PEBP4: variants seen among roughly 807,000 people sequenced by gnomAD.
PEBP4 encodes the protein phosphatidylethanolamine binding protein 4, also known as phosphatidylethanolamine-binding protein 4.
In PEBP4, 22 loss-of-function variants were observed where a neutral mutation model predicts 23.9. The ratio of observed to expected loss-of-function variants is 0.92; its 90% CI spans 0.66 to 1.31. PEBP4 has a LOEUF of 1.31. PEBP4 is among the 40% of genes most tolerant of loss of function. The pLI is 0.00. For missense variants in PEBP4, 324 were observed against 281.7 expected, an observed-to-expected ratio of 1.15 and a Z score of -1.07; for synonymous variants, 112 against 99.3, an observed-to-expected ratio of 1.13 and a Z score of -0.76.
At chr8:22,888,626 A>G (rs753175068) in intron 3 of PEBP4, among the ~76,000 whole-genome samples, 1 of 152,140 alleles carries the variant, frequency 6.6e-6, no homozygotes, top group Non-Finnish European at 1.5e-5. Flanking sequence ...CAGATTTCCA[A>G]CCAGAATCTC....
At chr8:22,841,766 G>C (rs1045472330) in intron 3 of PEBP4, among the ~76,000 whole-genome samples, 1 of 152,252 alleles carries the variant, frequency 6.6e-6, no homozygotes, top group Admixed American at 6.5e-5. Flanking sequence ...GCTACAGACT[G>C]TTCCCTAAAG....
intron 2 of PEBP4, among the ~76,000 whole-genome samples, chr8:22,920,910 G>T (rs533070993): frequency 6.6e-6 from 1 of 152,206 alleles, no homozygotes; most frequent in East Asian, 1.9e-4. Flanking sequence ...CATCCCTCAG[G>T]GGGTAAAACA....
At position 22,817,719 on chromosome 8, in the gene PEBP4, A is replaced by G; in HGVS notation, c.275T>C (p.Leu92Pro). ...PGAVDGATYI[L>P]VMVDPDAPSR... ...AGGGGCATCTGGATCCACCATCACC[A>G]GGATATAGGTTGCGCCCTGTAACAC... The change falls in exon 4 of 7, where the codon CTG becomes CCG. Residue 92 changes from leucine (L) to proline (P), a missense_variant. Transcript: ENST00000256404. 1 of 1,614,202 alleles carries G rather than the reference A, an allele frequency of 6.2e-7. No homozygotes were observed. The highest frequency in any genetic ancestry group is 8.5e-7 in the Non-Finnish European group (1 of 1,180,018).
At chr8:22,877,760 G>C (rs548999401) in intron 3 of PEBP4, among the ~76,000 whole-genome samples, 1 of 152,134 alleles carries the variant, frequency 6.6e-6, no homozygotes, top group Non-Finnish European at 1.5e-5. Flanking sequence ...TCTCGCTGTC[G>C]CTCGGCAGAA....
chr8:22,829,413 C>T (rs1403270260), intron 3 of PEBP4, among the ~76,000 whole-genome samples: 1 of 152,212 alleles, frequency 6.6e-6, no homozygotes, highest in African/African-American at 2.4e-5. Flanking sequence ...AATCTCCAAC[C>T]TCCAACCTCC....
chr8:22,896,006 AG>A (rs1231147165), intron 3 of PEBP4: 3 of 152,254 alleles, frequency 2.0e-5, no homozygotes, highest in African/African-American at 7.2e-5. Flanking sequence ...GCCCTGGGGC[AG>A]ATTTGCTGTG....
intron 4 of PEBP4, among the ~76,000 whole-genome samples, chr8:22,816,120 C>G (rs919834140): frequency 2.0e-5 from 3 of 152,148 alleles, no homozygotes; most frequent in African/African-American, 7.2e-5. Flanking sequence ...GGGGGAGATG[C>G]CAGTTCTTTC....
At chr8:22,759,985 G>C (rs1373910289) in intron 4 of PEBP4, among the ~76,000 whole-genome samples, 3 of 152,166 alleles carry the variant, frequency 2.0e-5, no homozygotes, top group African/African-American at 7.2e-5. Context: ...TTAAAACACA[G>C]CTCAGATGTC....
chr8:22,779,708 A>C (rs1805879765), intron 4 of PEBP4, among the ~76,000 whole-genome samples: 1 of 152,238 alleles, frequency 6.6e-6, no homozygotes, highest in Admixed American at 6.5e-5. Flanking sequence ...TGTGTTTAGC[A>C]CTGGGAAGGG....
At chr8:22,883,260 A>C (rs534940040) in intron 3 of PEBP4, among the ~76,000 whole-genome samples, 3 of 152,198 alleles carry the variant, frequency 2.0e-5, no homozygotes, top group African/African-American at 7.2e-5. Flanking sequence ...ACACTTTCTG[A>C]TGTGAGAACA....
intron 4 of PEBP4, among the ~76,000 whole-genome samples, chr8:22,802,722 G>A (rs1290654396): frequency 4.6e-5 from 7 of 152,238 alleles, no homozygotes; most frequent in African/African-American, 7.2e-5. Flanking sequence ...GAGAGCAAGC[G>A]CGCAGGGAAT....
chr8:22,800,956 C>T (rs1806368500), intron 4 of PEBP4, among the ~76,000 whole-genome samples: 1 of 152,042 alleles, frequency 6.6e-6, no homozygotes, highest in South Asian at 2.1e-4. Context: ...TTGCCTACCC[C>T]AATCCTACCC....
At chr8:22,733,839 A>C (rs1276270540) in intron 4 of PEBP4, among the ~76,000 whole-genome samples, 1 of 20,476 alleles carries the variant, frequency 4.9e-5, no homozygotes. Context: ...GGATGGGGGA[A>C]TTGGGGAGGG....
chr8:22,931,405 C>T (rs1809454502), upstream of PEBP4, among the ~76,000 whole-genome samples: 1 of 152,074 alleles, frequency 6.6e-6, no homozygotes, highest in Admixed American at 6.6e-5. Context: ...TCCCTACCCC[C>T]AGCCCCTGAC....
chr8:22,725,636 C>T (rs1483450571), intron 5 of PEBP4, among the ~76,000 whole-genome samples: 1 of 152,162 alleles, frequency 6.6e-6, no homozygotes, highest in Non-Finnish European at 1.5e-5. Flanking sequence ...GTCCTGCTGG[C>T]CTGGCCTAGG....
At chr8:22,818,352 T>C (rs78396491) in intron 3 of PEBP4, among the ~76,000 whole-genome samples, 6,220 of 152,074 alleles carry the variant, frequency 0.041, 170 homozygotes, top group Middle Eastern at 0.095. Context: ...AACGTGTGAG[T>C]AGTGCTATGA....
intron 2 of PEBP4, 63 bp from the exon 3 acceptor site, chr8:22,920,373 G>T (rs368116232): frequency 1.3e-6 from 2 of 1,553,234 alleles, no homozygotes; most frequent in South Asian, 1.1e-5. Flanking sequence ...GGTTCCCAAG[G>T]CTTCAGTCTA....
chr8:22,813,764 G>C (rs1296713096), intron 4 of PEBP4, among the ~76,000 whole-genome samples: 1 of 152,196 alleles, frequency 6.6e-6, no homozygotes, highest in Non-Finnish European at 1.5e-5. Context: ...AGGGAGCCAA[G>C]TGGGACAGCA....
chr8:22,772,901 C>A (rs1289120443), intron 4 of PEBP4, among the ~76,000 whole-genome samples: 2 of 152,206 alleles, frequency 1.3e-5, no homozygotes, highest in Non-Finnish European at 2.9e-5. Context: ...CCAGAACCCA[C>A]CTGCCTCAGA....
Sources: allele counts gnomAD v4.1 joint callset (sites outside exome capture counted in the v4.1 genomes callset), GRCh38; gene constraint gnomAD v4.1.1; transcripts MANE v1.5; gene names NCBI Gene and HGNC (gene_info 2026-07-23, HGNC 2026-07-21).